MACROD2: variants seen among roughly 807,000 people sequenced by gnomAD.
The protein encoded by MACROD2 is mono-ADP ribosylhydrolase 2.
Under a neutral mutation model 70.4 loss-of-function variants are expected in MACROD2, and 36 were observed. That is an observed-to-expected ratio of 0.51 (90% CI 0.39 to 0.68). The LOEUF (loss-of-function observed/expected upper bound fraction) is 0.68, where lower values mean the gene tolerates loss of function less well. Among genes scored for constraint, MACROD2 ranks in the 30% least tolerant of loss-of-function variants. The probability of loss-of-function intolerance (pLI) is 0.00; values close to 1 mark genes in which losing one functional copy is unlikely to be tolerated. For synonymous variants in MACROD2, 172 were observed against 178.8 expected (o/e 0.96, Z 0.30); for missense variants, 496 against 538.4 (o/e 0.92, Z 0.78).
intron 3 of MACROD2, among the ~76,000 whole-genome samples, chr20:14,363,695 T>C (rs921778052): frequency 7.1e-6 from 1 of 140,542 alleles, no homozygotes; most frequent in Non-Finnish European, 1.6e-5. Context: ...GTGGCGCCTG[T>C]AGTCCCAGCT....
chr20:15,617,975 G>A (rs462873), intron 8 of MACROD2, among the ~76,000 whole-genome samples: 17,299 of 152,118 alleles, frequency 0.11, 1,192 homozygotes, highest in Non-Finnish European at 0.15. Context: ...ACATGTGGGT[G>A]TAGAAGGGAG....
At chr20:14,827,380 A>G (rs1183353664) in intron 5 of MACROD2, among the ~76,000 whole-genome samples, 1 of 152,146 alleles carries the variant, frequency 6.6e-6, no homozygotes, top group East Asian at 1.9e-4. Flanking sequence ...CCTACATACA[A>G]CAACAATAGT....
chr20:14,710,128 G>A (rs1319851814), intron 5 of MACROD2, among the ~76,000 whole-genome samples: 1 of 152,108 alleles, frequency 6.6e-6, no homozygotes, highest in East Asian at 1.9e-4. Flanking sequence ...TTCACAACTT[G>A]ATGAGGTAAA....
At chr20:15,228,422 C>T (rs1260266146) in intron 5 of MACROD2, among the ~76,000 whole-genome samples, 1 of 151,262 alleles carries the variant, frequency 6.6e-6, no homozygotes, top group Non-Finnish European at 1.5e-5. Flanking sequence ...TTTTCTCAAA[C>T]ATCAAATAGT....
chr20:15,065,790 C>T (rs550080348), intron 5 of MACROD2, among the ~76,000 whole-genome samples: 4 of 152,208 alleles, frequency 2.6e-5, no homozygotes, highest in African/African-American at 4.8e-5. Context: ...AAATTTACTC[C>T]GTAGTTGCAT....
chr20:15,347,666 A>T (rs1169547580), intron 6 of MACROD2, among the ~76,000 whole-genome samples: 1 of 152,172 alleles, frequency 6.6e-6, no homozygotes, highest in Non-Finnish European at 1.5e-5. Flanking sequence ...ATCACTTATA[A>T]TATAATATGA....
In MACROD2 at chr20:15,054,946, C is replaced by CTTTTTT. The variant is rs10673344; in HGVS notation, c.419-174979_419-174974dup. Among the ~76,000 whole-genome samples the CTTTTTT allele has an allele frequency of 7.6e-4, 92 of 120,734 alleles. 1 individual carries two copies. Among genetic ancestry groups the CTTTTTT allele is most frequent in the African/African-American group, 2.3e-3 (62 of 27,160 alleles). 79.2% of individuals were successfully genotyped at this position (120,734 alleles called of 152,430 possible). On this transcript the variant is annotated intron_variant, in intron 5 of 17. Coordinates refer to ENST00000684519, the MANE Select transcript of MACROD2 (RefSeq NM_001351661.2). ...TACAGGCTTGTGCCGCCACATCTAGCTTTTTTTTTTTTTTTTTTTTGAGAT... is the reference window on the plus strand; with the variant it reads ...TACAGGCTTGTGCCGCCACATCTAGCTTTTTTTTTTTTTTTTTTTTTTTTTTGAGAT...
At chr20:14,121,451 T>C (rs567511069) in intron 3 of MACROD2, among the ~76,000 whole-genome samples, 203 of 152,354 alleles carry the variant, frequency 1.3e-3, no homozygotes, top group Non-Finnish European at 2.0e-3. Flanking sequence ...AAACTTGACA[T>C]GTACTTCATG....
At chr20:14,333,449 G>T (rs1464892839) in intron 3 of MACROD2, among the ~76,000 whole-genome samples, 1 of 152,128 alleles carries the variant, frequency 6.6e-6, no homozygotes, top group Non-Finnish European at 1.5e-5. Context: ...CAAAGTAAAT[G>T]AATTAGAGAA....
At chr20:14,292,299 A>G (rs2082393366) in intron 3 of MACROD2, among the ~76,000 whole-genome samples, 1 of 151,804 alleles carries the variant, frequency 6.6e-6, no homozygotes, top group Non-Finnish European at 1.5e-5. Context: ...GGAGACACTT[A>G]CCAATGTCTG....
At chr20:14,000,049 G>T (rs911320765) in intron 1 of MACROD2, among the ~76,000 whole-genome samples, 2 of 152,152 alleles carry the variant, frequency 1.3e-5, no homozygotes, top group African/African-American at 4.8e-5. Flanking sequence ...ATGTTTCCTT[G>T]TACCAGGAAC....
At chr20:15,629,187 T>C (rs1267380677) in intron 8 of MACROD2, among the ~76,000 whole-genome samples, 1 of 152,182 alleles carries the variant, frequency 6.6e-6, no homozygotes, top group African/African-American at 2.4e-5. Flanking sequence ...CTTTAACTAT[T>C]TTCTATACTG....
At chr20:15,304,914 G>A (rs1273982316) in intron 6 of MACROD2, among the ~76,000 whole-genome samples, 1 of 152,230 alleles carries the variant, frequency 6.6e-6, no homozygotes, top group African/African-American at 2.4e-5. Context: ...CTCCACAGAA[G>A]TAAATTTGCT....
chr20:15,227,823 G>GGTTTTT (rs2076920739), intron 5 of MACROD2, among the ~76,000 whole-genome samples: 1 of 46,092 alleles, frequency 2.2e-5, no homozygotes, highest in East Asian at 5.8e-4. Context: ...AATTTCACCT[G>GGTTTTT]TTTTTTTTTT....
chr20:15,428,979 C>A (rs2046333410), intron 6 of MACROD2, among the ~76,000 whole-genome samples: 1 of 152,100 alleles, frequency 6.6e-6, no homozygotes, highest in Non-Finnish European at 1.5e-5. Context: ...GGGGCTCAAG[C>A]TGTAAACTCA....
At chr20:14,268,677 C>G (rs2082165316) in intron 3 of MACROD2, among the ~76,000 whole-genome samples, 1 of 152,114 alleles carries the variant, frequency 6.6e-6, no homozygotes, top group Admixed American at 6.6e-5. Flanking sequence ...TTTTTTCTCA[C>G]TTTCCAAAAG....
intron 5 of MACROD2, among the ~76,000 whole-genome samples, chr20:14,772,495 G>A (rs551889009): frequency 1.3e-5 from 2 of 152,018 alleles, no homozygotes; most frequent in Admixed American, 6.6e-5. Context: ...GAGAGAGCTT[G>A]TGCAGGGAAA....
intron 8 of MACROD2, among the ~76,000 whole-genome samples, chr20:15,555,716 C>G (rs1399469367): frequency 1.3e-5 from 2 of 150,914 alleles, no homozygotes; most frequent in Admixed American, 6.6e-5. Context: ...GTAGTCCCAG[C>G]TACTCGGGAG....
chr20:15,153,322 C>T (rs1198408501), intron 5 of MACROD2, among the ~76,000 whole-genome samples: 1 of 151,994 alleles, frequency 6.6e-6, no homozygotes, highest in Non-Finnish European at 1.5e-5. Flanking sequence ...GGGGGTTGTT[C>T]TCTGGCAGGC....
Sources: gnomAD v4.1 joint callset for allele counts (sites outside exome capture counted in the v4.1 genomes callset) on GRCh38, gnomAD v4.1.1 for gene constraint, MANE v1.5 for transcripts, NCBI Gene and HGNC (gene_info 2026-07-23, HGNC 2026-07-21) for gene names.